Variants in COL4A5 observed in about 807,000 individuals in gnomAD.
COL4A5 encodes the protein collagen type IV alpha 5 chain.
Under a neutral mutation model 130.2 loss-of-function variants are expected in COL4A5, and 26 were observed. The ratio of observed to expected loss-of-function variants is 0.20; its 90% confidence interval spans 0.15 to 0.28. The LOEUF is 0.28. Ranked by LOEUF, COL4A5 falls within the 10% of genes least tolerant of loss-of-function variation. COL4A5 has a pLI of 1.00. For missense variants in COL4A5, 1,131 were observed against 1,344.3 expected, an observed-to-expected ratio of 0.84 and a Z score of 2.48; for synonymous variants, 496 against 439.6, an observed-to-expected ratio of 1.13 and a Z score of -1.60.
chrX:108,609,379 G>A (rs1211444377), intron 29 of COL4A5, among the ~76,000 whole-genome samples: 1 of 111,370 alleles, frequency 9.0e-6, no homozygotes, highest in Non-Finnish European at 1.9e-5. Flanking sequence ...TCTTTTTTAT[G>A]TACTTGTGAG....
intron 2 of COL4A5, among the ~76,000 whole-genome samples, chrX:108,548,281 G>A (rs1009679874): frequency 8.9e-6 from 1 of 112,027 alleles, no homozygotes; most frequent in Non-Finnish European, 1.9e-5. Context: ...TTTTAAAAAG[G>A]AAAATTTATA....
intron 36 of COL4A5, among the ~76,000 whole-genome samples, chrX:108,649,865 A>G (rs1225640737): frequency 1.8e-5 from 2 of 111,628 alleles, no homozygotes; most frequent in Non-Finnish European, 3.8e-5. Context: ...TTTTATGACC[A>G]AGAGCCCAAA....
chrX:108,581,264 A>G (rs999631243), intron 16 of COL4A5, among the ~76,000 whole-genome samples: 1 of 112,055 alleles, frequency 8.9e-6, no homozygotes, highest in Non-Finnish European at 1.9e-5. Context: ...TGATACATGT[A>G]TGTAATGTGA....
At chrX:108,558,224 A>C (rs188501249) in intron 2 of COL4A5, among the ~76,000 whole-genome samples, 2 of 109,768 alleles carry the variant, frequency 1.8e-5, no homozygotes, top group East Asian at 5.8e-4. Flanking sequence ...CGGGGTTCTT[A>C]AACTTCATAG....
intron 36 of COL4A5, among the ~76,000 whole-genome samples, chrX:108,649,305 C>A (rs188796325): frequency 8.9e-6 from 1 of 111,988 alleles, no homozygotes; most frequent in African/African-American, 3.2e-5. Flanking sequence ...TGGGTAGAAT[C>A]AATATTGTGA....
At chrX:108,548,591 A>T (rs754822220) in intron 2 of COL4A5, among the ~76,000 whole-genome samples, 1 of 111,649 alleles carries the variant, frequency 9.0e-6, no homozygotes, top group South Asian at 3.8e-4. Context: ...AATTCTCCAC[A>T]CTTGGTGAAA....
chrX:108,467,226 T>A (rs1160969800), intron 1 of COL4A5, among the ~76,000 whole-genome samples: 1 of 112,048 alleles, frequency 8.9e-6, no homozygotes, highest in East Asian at 2.8e-4. Flanking sequence ...CCAACTTTAT[T>A]CTTTTAAATG....
rs1051120627 is a variant in COL4A5, at chrX:108,682,669, T to G, written c.4216+781T>G. ...AGATGATGAGCTTTTTTCATATGTT[T>G]GTTGGCCTCATAAATGTCTTTTTTT... On this transcript the variant is annotated intron_variant, in intron 47 of 52. Coordinates refer to ENST00000328300, the MANE Select transcript of COL4A5 (RefSeq NM_033380.3). 2.7e-5 allele frequency among the ~76,000 whole-genome samples: 3 copies of G among 112,420 alleles called. No individual in the cohort carries two copies. In the Admixed American group the frequency reaches 2.8e-4, roughly 11 times the overall value.
chrX:108,525,418 AT>A (rs1275292592), intron 1 of COL4A5, among the ~76,000 whole-genome samples: 1 of 110,987 alleles, frequency 9.0e-6, no homozygotes, highest in African/African-American at 3.3e-5. Flanking sequence ...TTGGATCTTG[AT>A]TTTTTTATGA....
At chrX:108,577,372 C>CAAAAAAAAAAAAAAAAAAAAAA (rs746311921) in intron 10 of COL4A5, among the ~76,000 whole-genome samples, 3 of 29,915 alleles carry the variant, frequency 1.0e-4, no homozygotes, top group African/African-American at 9.1e-5. Flanking sequence ...AACTCCTTCT[C>CAAAAAAAAAAAAAAAAAAAAAA]AAAAAAAAAA....
At chrX:108,661,655 C>G (rs761843893) in intron 37 of COL4A5, among the ~76,000 whole-genome samples, 8 of 111,232 alleles carry the variant, frequency 7.2e-5, no homozygotes, top group Non-Finnish European at 1.1e-4. Flanking sequence ...TTATTGTATA[C>G]TAAATGATAT....
At chrX:108,682,360 G>A (rs184762386) in intron 47 of COL4A5, among the ~76,000 whole-genome samples, 25 of 111,650 alleles carry the variant, frequency 2.2e-4, no homozygotes, top group African/African-American at 7.8e-4. Flanking sequence ...AACATACGTG[G>A]GCATGTGTCT....
At chrX:108,641,441 C>A (rs779600182) in intron 36 of COL4A5, among the ~76,000 whole-genome samples, 2 of 111,703 alleles carry the variant, frequency 1.8e-5, no homozygotes, top group Non-Finnish European at 3.8e-5. Context: ...TACAGAGGTA[C>A]GCATTGTGAA....
chrX:108,651,033 G>A (rs985638914), intron 36 of COL4A5, among the ~76,000 whole-genome samples: 2 of 111,735 alleles, frequency 1.8e-5, no homozygotes, highest in African/African-American at 6.5e-5. Flanking sequence ...GTGTAAAATG[G>A]ATGAACCTTG....
chrX:108,608,863 G>T (rs941511799), intron 29 of COL4A5, among the ~76,000 whole-genome samples: 1 of 111,045 alleles, frequency 9.0e-6, no homozygotes, highest in Non-Finnish European at 1.9e-5. Context: ...AAGTTATTTC[G>T]CCTGTTAACT....
At chrX:108,510,976 A>G (rs2065174636) in intron 1 of COL4A5, among the ~76,000 whole-genome samples, 1 of 111,451 alleles carries the variant, frequency 9.0e-6, no homozygotes, top group Non-Finnish European at 1.9e-5. Context: ...TTATTTCTTC[A>G]TGTGGTGAAT....
intron 37 of COL4A5, among the ~76,000 whole-genome samples, chrX:108,664,957 T>G (rs56209513): frequency 0.1 from 11,604 of 111,515 alleles, 1,302 homozygotes; most frequent in African/African-American, 0.34. Flanking sequence ...TTCCACACAT[T>G]GTTCTGAGTG....
intron 36 of COL4A5, among the ~76,000 whole-genome samples, chrX:108,652,576 T>A (rs1457461341): frequency 8.9e-6 from 1 of 112,587 alleles, no homozygotes; most frequent in East Asian, 2.8e-4. Flanking sequence ...TACCAATAGA[T>A]GTCTTCTGTT....
chrX:108,575,093 A>AT (rs1333579952), intron 9 of COL4A5, among the ~76,000 whole-genome samples: 1 of 111,047 alleles, frequency 9.0e-6, no homozygotes, highest in Non-Finnish European at 1.9e-5. Flanking sequence ...CCAGCCTACA[A>AT]TTTTTTCATT....
Sources: gnomAD v4.1 joint callset for allele counts (sites outside exome capture counted in the v4.1 genomes callset) on GRCh38, gnomAD v4.1.1 for gene constraint, MANE v1.5 for transcripts, NCBI Gene and HGNC (gene_info 2026-07-23, HGNC 2026-07-21) for gene names.